COMMD10: variants seen among roughly 807,000 people sequenced by gnomAD.
The protein encoded by COMMD10 is COMM domain-containing protein 10.
A neutral mutation model predicts 28.9 loss-of-function variants in COMMD10; 33 were observed. The ratio of observed to expected loss-of-function variants is 1.14; its 90% CI spans 0.87 to 1.53. The LOEUF is 1.53. Among genes scored for constraint, COMMD10 ranks in the 40% most tolerant of loss-of-function variants. The pLI is 0.00. For synonymous variants in COMMD10, 110 were observed against 81.7 expected, an observed-to-expected ratio of 1.35 and a Z score of -1.87; for missense variants, 310 against 233.4, an observed-to-expected ratio of 1.33 and a Z score of -2.14.
intron 5 of COMMD10, among the ~76,000 whole-genome samples, chr5:116,261,951 A>G (rs946185135): frequency 3.3e-5 from 5 of 151,770 alleles, no homozygotes; most frequent in African/African-American, 7.3e-5. Flanking sequence ...ATCTTTGACT[A>G]TTCTAAGCAC....
At chr5:116,126,105 A>G (rs139363646) in intron 4 of COMMD10, among the ~76,000 whole-genome samples, 3,318 of 152,296 alleles carry the variant, frequency 0.022, 116 homozygotes, top group African/African-American at 0.076. Flanking sequence ...TCAGTGTGCA[A>G]AAATCACAGG....
At chr5:116,130,075 A>G (rs1751815583) in intron 4 of COMMD10, among the ~76,000 whole-genome samples, 1 of 151,706 alleles carries the variant, frequency 6.6e-6, no homozygotes, top group South Asian at 2.1e-4. Flanking sequence ...TTTAATAGAA[A>G]AGGCTCTGGA....
intron 5 of COMMD10, among the ~76,000 whole-genome samples, chr5:116,151,171 G>A (rs528900717): frequency 2.0e-5 from 3 of 151,754 alleles, no homozygotes; most frequent in South Asian, 4.2e-4. Flanking sequence ...TTATTGATTT[G>A]CGTATATTGA....
intron 5 of COMMD10, among the ~76,000 whole-genome samples, chr5:116,139,574 T>G (rs897763551): frequency 2.8e-5 from 4 of 145,118 alleles, no homozygotes; most frequent in African/African-American, 1.1e-4. Flanking sequence ...GCTACTTATG[T>G]GAGTTCGTCT....
chr5:116,124,494 T>C (rs1751549541), intron 4 of COMMD10, among the ~76,000 whole-genome samples: 1 of 152,196 alleles, frequency 6.6e-6, no homozygotes, highest in South Asian at 2.1e-4. Flanking sequence ...TCCAACTATG[T>C]GGTCAATTCT....
At chr5:116,104,968 C>T (rs540553617) in intron 4 of COMMD10, among the ~76,000 whole-genome samples, 18 of 152,286 alleles carry the variant, frequency 1.2e-4, no homozygotes, top group East Asian at 5.8e-4. Flanking sequence ...TGCCTGATTG[C>T]CGTGGCTAGA....
intron 5 of COMMD10, among the ~76,000 whole-genome samples, chr5:116,202,905 TC>T (rs1748707713): frequency 6.6e-6 from 1 of 152,172 alleles, no homozygotes; most frequent in Non-Finnish European, 1.5e-5. Context: ...ATCCCATTTG[TC>T]AATTTTGGCT....
intron 1 of COMMD10, chr5:116,085,598 C>T (rs1250913893): frequency 6.5e-6 from 1 of 153,858 alleles, no homozygotes; most frequent in Admixed American, 6.5e-5. Flanking sequence ...AGAATCTAGC[C>T]TGGCTTTGGT....
intron 5 of COMMD10, among the ~76,000 whole-genome samples, chr5:116,209,669 G>A (rs966751479): frequency 6.6e-6 from 1 of 152,108 alleles, no homozygotes; most frequent in African/African-American, 2.4e-5. Flanking sequence ...GCGGTTAGTA[G>A]CAAGGAATGA....
chr5:116,173,748 C>T (rs1226430464), intron 5 of COMMD10, among the ~76,000 whole-genome samples: 4 of 152,010 alleles, frequency 2.6e-5, no homozygotes, highest in Non-Finnish European at 4.4e-5. Context: ...TAGAATTGCA[C>T]ATACTAACTG....
chr5:116,086,461 CTCT>C (rs1750100244), intron 1 of COMMD10, among the ~76,000 whole-genome samples: 1 of 74,150 alleles, frequency 1.3e-5, no homozygotes, highest in South Asian at 4.2e-4. Context: ...TAATCTCTCT[CTCT>C]TTTTTTTCCC....
rs530055869 is a variant in COMMD10, at chr5:116,288,073, A to G, written c.511-3444A>G. Among the ~76,000 whole-genome samples, 6 of 151,588 alleles carry G rather than the reference A, an allele frequency of 4.0e-5. No homozygotes were observed. In the South Asian group the frequency reaches 6.3e-4, roughly 16 times the overall value. On this transcript the variant is annotated intron_variant, in intron 5 of 6. Transcript: ENST00000274458. ...TTGTGTTTTTGCCTGCTGTCCTTTC[A>G]TTTCAACTTAAAGAACTTCCTTTAG...
chr5:116,182,780 T>C (rs1406652983), intron 5 of COMMD10, among the ~76,000 whole-genome samples: 1 of 152,106 alleles, frequency 6.6e-6, no homozygotes, highest in Non-Finnish European at 1.5e-5. Context: ...CTGTGTCTCC[T>C]CACCCAAAAT....
chr5:116,256,623 T>A (rs2112680481), intron 5 of COMMD10, among the ~76,000 whole-genome samples: 1 of 151,944 alleles, frequency 6.6e-6, no homozygotes, highest in South Asian at 2.1e-4. Flanking sequence ...CAGAAATGTT[T>A]CAGATTTTGG....
intron 5 of COMMD10, among the ~76,000 whole-genome samples, chr5:116,163,242 A>T (rs1249091730): frequency 3.3e-5 from 5 of 151,508 alleles, no homozygotes; most frequent in Admixed American, 1.3e-4. Context: ...CTTTGTAATT[A>T]AAAAAAGTAT....
At chr5:116,278,349 C>A (rs548118574) in intron 5 of COMMD10, among the ~76,000 whole-genome samples, 1 of 151,732 alleles carries the variant, frequency 6.6e-6, no homozygotes, top group Non-Finnish European at 1.5e-5. Flanking sequence ...GCTGAAAAAT[C>A]ATAATGGCAT....
intron 5 of COMMD10, among the ~76,000 whole-genome samples, chr5:116,190,329 A>T (rs1427757255): frequency 1.3e-5 from 2 of 152,202 alleles, no homozygotes; most frequent in Admixed American, 1.3e-4. Flanking sequence ...TATATGATTA[A>T]TTAATGAATG....
At chr5:116,086,549 C>T (rs1186508120) in intron 1 of COMMD10, among the ~76,000 whole-genome samples, 1 of 152,034 alleles carries the variant, frequency 6.6e-6, no homozygotes, top group Admixed American at 6.5e-5. Context: ...GCCTCCGCCT[C>T]CTGTGTTCAA....
rs151248846 is a variant in COMMD10, at chr5:116,201,264, G to A, written c.510+67086G>A. On this transcript the variant is annotated intron_variant, in intron 5 of 6. Transcript: ENST00000274458. The stretch of plus-strand genomic sequence containing the variant: ...AGTGATCCGGCATATTTTAAAAATG[G>A]CGTGTCCTTTCCTTTGCTGGAAGCA... Among the ~76,000 whole-genome samples, 1,275 of 152,274 alleles carry A rather than the reference G, an allele frequency of 8.4e-3. 19 individuals carry two copies. Among genetic ancestry groups the A allele is most frequent in the African/African-American group, 0.029 (1,219 of 41,562 alleles).
Sources: gnomAD v4.1 joint callset for allele counts (sites outside exome capture counted in the v4.1 genomes callset) on GRCh38, gnomAD v4.1.1 for gene constraint, MANE v1.5 for transcripts, NCBI Gene and HGNC (gene_info 2026-07-23, HGNC 2026-07-21) for gene names.